Variants in VIT observed in about 807,000 individuals in gnomAD.
The protein encoded by VIT is vitrin.
A neutral mutation model predicts 78.0 loss-of-function variants in VIT; 99 were observed. That is an observed-to-expected ratio of 1.27 (90% CI 1.08 to 1.50). VIT has a LOEUF of 1.50. VIT is among the 40% of genes most tolerant of loss of function. The probability of loss-of-function intolerance (pLI) is 0.00; values close to 1 mark genes in which losing one functional copy is unlikely to be tolerated. For synonymous variants in VIT, 374 were observed against 334.3 expected (o/e 1.12, Z -1.29); for missense variants, 1,126 against 875.3 (o/e 1.29, Z -3.61).
intron 12 of VIT, among the ~76,000 whole-genome samples, chr2:36,797,136 C>A (rs1200276438): frequency 2.7e-5 from 4 of 150,872 alleles, no homozygotes; most frequent in Admixed American, 2.6e-4. Flanking sequence ...TGTTGATAAC[C>A]CTTGGTCACT....
At chr2:36,782,553 G>C (rs181400229) in intron 10 of VIT, among the ~76,000 whole-genome samples, 164 of 152,332 alleles carry the variant, frequency 1.1e-3, no homozygotes, top group African/African-American at 3.8e-3. Context: ...TCCTGAAAAC[G>C]GGGAGACTCA....
At position 36,808,808 on chromosome 2, in the gene VIT, G is replaced by A. The variant is rs567232203; in HGVS notation, c.1726G>A (p.Ala576Thr). ...KYSSKPDILN[A>T]IKRVGYWSGG... is the part of the protein sequence containing the mutation. ...CAGCAGCAAGCCTGACATCCTCAACGCCATCAAGAGGGTGGGCTACTGGAG... is the reference window on the plus strand; with the variant it reads ...CAGCAGCAAGCCTGACATCCTCAACACCATCAAGAGGGTGGGCTACTGGAG... The change falls in exon 15 of 16, where the codon GCC (alanine) becomes ACC (threonine). Residue 576 changes from alanine to threonine, a missense_variant. Coordinates refer to ENST00000379242, the MANE Select transcript of VIT (RefSeq NM_053276.4). 4.3e-6 allele frequency: 7 copies of A among 1,614,180 alleles called. No individual in the cohort carries two copies. The highest frequency in any genetic ancestry group is 1.7e-5 in the Admixed American group (1 of 60,016).
intron 6 of VIT, among the ~76,000 whole-genome samples, chr2:36,761,501 G>A (rs1199605478): frequency 6.6e-6 from 1 of 152,128 alleles, no homozygotes. Context: ...AGCACTTTGG[G>A]AGGCCGAGGC....
At chr2:36,703,936 G>A (rs550512680) in intron 1 of VIT, among the ~76,000 whole-genome samples, 6 of 7,050 alleles carry the variant, frequency 8.5e-4, no homozygotes, top group Admixed American at 2.9e-3. Context: ...TTTTGTTTTT[G>A]TTTTTTTTTT....
intron 12 of VIT, 139 bp downstream of exon 12, chr2:36,787,415 TA>T: frequency 1.6e-6 from 2 of 1,217,054 alleles, no homozygotes; most frequent in Non-Finnish European, 1.1e-6. Context: ...AATGCAAATG[TA>T]AATGAAAAAA....
chr2:36,726,879 G>A (rs1339445712), intron 2 of VIT, among the ~76,000 whole-genome samples: 1 of 147,922 alleles, frequency 6.8e-6, no homozygotes, highest in Non-Finnish European at 1.5e-5. Flanking sequence ...GGGAAAGAAA[G>A]GCAAGGAGAA....
At chr2:36,737,962 G>A (rs1352045283) in intron 3 of VIT, among the ~76,000 whole-genome samples, 2 of 152,226 alleles carry the variant, frequency 1.3e-5, no homozygotes, top group Non-Finnish European at 2.9e-5. Flanking sequence ...GACTGTCTGT[G>A]TTACAGATTT....
intron 12 of VIT, among the ~76,000 whole-genome samples, chr2:36,793,909 TA>T (rs1665677412): frequency 6.6e-6 from 1 of 152,178 alleles, no homozygotes; most frequent in South Asian, 2.1e-4. Flanking sequence ...TCCAGAGCTT[TA>T]CAAACTTTCC....
chr2:36,799,569 T>A (rs898057156), intron 12 of VIT, among the ~76,000 whole-genome samples: 3 of 151,600 alleles, frequency 2.0e-5, no homozygotes, highest in African/African-American at 4.9e-5. Context: ...AATGAAAAAA[T>A]TTGCTGGGTG....
intron 2 of VIT, among the ~76,000 whole-genome samples, chr2:36,719,088 G>C (rs1207893559): frequency 6.6e-6 from 1 of 152,196 alleles, no homozygotes; most frequent in Non-Finnish European, 1.5e-5. Context: ...GGAAGATCTG[G>C]CTGTCTTTTG....
intron 5 of VIT, among the ~76,000 whole-genome samples, chr2:36,758,612 C>T (rs2148560345): frequency 6.6e-6 from 1 of 152,318 alleles, no homozygotes; most frequent in South Asian, 2.1e-4. Context: ...CAAAGGAGAG[C>T]ATGTGGAGGG....
chr2:36,728,811 T>TAAAAAA (rs1558520065), intron 2 of VIT, among the ~76,000 whole-genome samples: 3 of 54,268 alleles, frequency 5.5e-5, no homozygotes, highest in South Asian at 6.7e-4. Context: ...AGACTCCGTC[T>TAAAAAA]CAAAAAAAAA....
chr2:36,699,529 T>TATATAC (rs566080680), intron 1 of VIT, among the ~76,000 whole-genome samples: 3 of 151,560 alleles, frequency 2.0e-5, no homozygotes, highest in East Asian at 3.9e-4. Flanking sequence ...TATATATATA[T>TATATAC]ACACACACAT....
At chr2:36,710,977 G>C (rs564425150) in intron 1 of VIT, among the ~76,000 whole-genome samples, 1 of 152,164 alleles carries the variant, frequency 6.6e-6, no homozygotes, top group Non-Finnish European at 1.5e-5. Flanking sequence ...TTAACTTTTT[G>C]AGATACTACC....
intron 3 of VIT, among the ~76,000 whole-genome samples, chr2:36,731,476 T>A (rs1667205382): frequency 6.6e-6 from 1 of 152,060 alleles, no homozygotes; most frequent in African/African-American, 2.4e-5. Flanking sequence ...GGTTTCACCA[T>A]GTTGGCCAGG....
At position 36,726,878 on chromosome 2, in the gene VIT, A is replaced by G. The variant is rs568219822; in HGVS notation, c.53-2548A>G. ...AGAAGAGAGGCTGTCTGGGAAAGAA[A>G]GGCAAGGAGAAAGGGGGTGGGGAGA... On this transcript the variant is annotated intron_variant, in intron 2 of 15. Coordinates refer to ENST00000379242, the MANE Select transcript of VIT (RefSeq NM_053276.4). 7.3e-5 allele frequency among the ~76,000 whole-genome samples: 11 copies of G among 151,092 alleles called. No homozygotes were observed. The South Asian group carries it at 1.1e-3, about 14-fold the overall frequency.
At chr2:36,704,075 G>A (rs942353054) in intron 1 of VIT, among the ~76,000 whole-genome samples, 5 of 151,814 alleles carry the variant, frequency 3.3e-5, no homozygotes, top group Admixed American at 6.6e-5. Flanking sequence ...ACAGGTGCAC[G>A]CCACCATGCC....
chr2:36,734,016 C>A (rs1390655000), intron 3 of VIT, among the ~76,000 whole-genome samples: 1 of 152,168 alleles, frequency 6.6e-6, no homozygotes, highest in African/African-American at 2.4e-5. Context: ...TGGACTAGGT[C>A]AGTGGTTCTC....
intron 4 of VIT, among the ~76,000 whole-genome samples, chr2:36,745,869 G>A (rs2148523833): frequency 6.6e-6 from 1 of 152,180 alleles, no homozygotes; most frequent in East Asian, 1.9e-4. Flanking sequence ...GAGTGAACAT[G>A]CTTGTCTTGT....
Sources: allele counts gnomAD v4.1 joint callset (sites outside exome capture counted in the v4.1 genomes callset), GRCh38; gene constraint gnomAD v4.1.1; transcripts MANE v1.5; gene names NCBI Gene and HGNC (gene_info 2026-07-23, HGNC 2026-07-21).